DGKB: variants seen among roughly 807,000 people sequenced by gnomAD.
DGKB encodes diacylglycerol kinase beta.
A neutral mutation model predicts 114.3 loss-of-function variants in DGKB; 67 were observed. The observed-to-expected ratio is 0.59, with a 90% CI of 0.48 to 0.72. DGKB has a LOEUF of 0.72. Among genes scored for constraint, DGKB ranks in the 30% least tolerant of loss-of-function variants. The pLI, the probability that DGKB is intolerant of heterozygous loss-of-function variation, is 0.00. For missense variants in DGKB, 907 were observed against 975.2 expected, an observed-to-expected ratio of 0.93 and a Z score of 0.93; for synonymous variants, 398 against 323.1, an observed-to-expected ratio of 1.23 and a Z score of -2.49.
At chr7:14,783,978 C>T (rs1405263737) in intron 2 of DGKB, among the ~76,000 whole-genome samples, 5 of 152,014 alleles carry the variant, frequency 3.3e-5, no homozygotes, top group Admixed American at 3.3e-4. Context: ...TCTTGTTTTC[C>T]TGGTTTACAA....
At chr7:14,167,210 CAAAAA>C (rs34278386) in intron 25 of DGKB, among the ~76,000 whole-genome samples, 3 of 99,394 alleles carry the variant, frequency 3.0e-5, no homozygotes, top group Non-Finnish European at 5.7e-5. Flanking sequence ...GACTCCATCT[CAAAAA>C]AAAAAAAAAA....
chr7:14,722,732 A>T (rs1277358877), intron 5 of DGKB, among the ~76,000 whole-genome samples: 1 of 152,020 alleles, frequency 6.6e-6, no homozygotes, highest in African/African-American at 2.4e-5. Context: ...GAATCGCTGG[A>T]ACCCAGGAGG....
chr7:14,194,293 G>A (rs142072425), intron 23 of DGKB, among the ~76,000 whole-genome samples: 9 of 152,118 alleles, frequency 5.9e-5, no homozygotes, highest in African/African-American at 1.7e-4. Flanking sequence ...ATATTGAATC[G>A]ACCTAAGTGT....
At chr7:14,310,197 A>G (rs1306605572) in intron 23 of DGKB, among the ~76,000 whole-genome samples, 2 of 152,218 alleles carry the variant, frequency 1.3e-5, no homozygotes, top group East Asian at 1.9e-4. Context: ...TGGACACTCC[A>G]TTTACCAAAA....
intron 1 of DGKB, among the ~76,000 whole-genome samples, chr7:14,854,891 G>A (rs957890881): frequency 6.6e-6 from 1 of 152,084 alleles, no homozygotes; most frequent in South Asian, 2.1e-4. Context: ...AAATAGACAC[G>A]TAATAGCTCT....
At position 14,847,194 on chromosome 7, in the gene DGKB, G is replaced by A. The variant is rs528493082; in HGVS notation, c.-187-5744C>T. Among the ~76,000 whole-genome samples, 10 of 151,992 alleles carry A rather than the reference G, an allele frequency of 6.6e-5. No individual in the cohort carries two copies. The East Asian group carries it at 2.0e-3, about 30-fold the overall frequency. ...TAGTCCCAGCTACTCGGGAGGCTGA[G>A]GCAGGAGAATGGCGTGAACCCAGGA... On this transcript the variant is annotated intron_variant, in intron 1 of 25. Coordinates refer to ENST00000402815, the MANE Select transcript of DGKB (RefSeq NM_001350709.2).
At chr7:14,925,750 C>T (rs1445846631) in intron 1 of DGKB, among the ~76,000 whole-genome samples, 1 of 152,068 alleles carries the variant, frequency 6.6e-6, no homozygotes, top group East Asian at 1.9e-4. Flanking sequence ...ATCTTACATC[C>T]TATAACCTTG....
At chr7:14,526,094 T>C (rs1306594459) in intron 20 of DGKB, among the ~76,000 whole-genome samples, 3 of 152,190 alleles carry the variant, frequency 2.0e-5, no homozygotes, top group Admixed American at 2.0e-4. Flanking sequence ...TTCACTTGTC[T>C]GTGGTTTAAA....
At chr7:14,236,883 T>TA (rs1792873893) in intron 23 of DGKB, among the ~76,000 whole-genome samples, 2 of 149,360 alleles carry the variant, frequency 1.3e-5, no homozygotes, top group East Asian at 3.9e-4. Flanking sequence ...CATTAAGCAC[T>TA]TTTTTTTTTC....
intron 25 of DGKB, among the ~76,000 whole-genome samples, chr7:14,169,396 A>G (rs1260730226): frequency 6.6e-6 from 1 of 150,840 alleles, no homozygotes. Context: ...AATGCAAACC[A>G]TGAGTCCTAG....
intron 25 of DGKB, among the ~76,000 whole-genome samples, chr7:14,170,307 G>A (rs1780803300): frequency 6.6e-6 from 1 of 152,142 alleles, no homozygotes; most frequent in Non-Finnish European, 1.5e-5. Context: ...GTGGCCTTGG[G>A]CAAGTTACTT....
chr7:14,846,389 T>G (rs1848630904), intron 1 of DGKB, among the ~76,000 whole-genome samples: 1 of 152,178 alleles, frequency 6.6e-6, no homozygotes, highest in Non-Finnish European at 1.5e-5. Flanking sequence ...GAGGAATTTT[T>G]TCTTAGTCAA....
chr7:14,156,007 A>G (rs559369210), intron 25 of DGKB, among the ~76,000 whole-genome samples: 1 of 152,090 alleles, frequency 6.6e-6, no homozygotes, highest in Non-Finnish European at 1.5e-5. Context: ...TGAATAGCAG[A>G]TGTTAGACTT....
At chr7:14,489,932 G>A (rs979549308) in intron 20 of DGKB, among the ~76,000 whole-genome samples, 2 of 152,158 alleles carry the variant, frequency 1.3e-5, no homozygotes, top group Non-Finnish European at 1.5e-5. Context: ...ACAGAGAGAA[G>A]GGAGCTGGAT....
chr7:14,709,578 A>T (rs1231014332), intron 6 of DGKB, among the ~76,000 whole-genome samples: 1 of 136,582 alleles, frequency 7.3e-6, no homozygotes, highest in Non-Finnish European at 1.6e-5. Context: ...AATGTCCAAC[A>T]ATGATAGACT....
intron 23 of DGKB, among the ~76,000 whole-genome samples, chr7:14,315,026 C>T (rs2128516320): frequency 6.6e-6 from 1 of 151,960 alleles, no homozygotes; most frequent in African/African-American, 2.4e-5. Context: ...CATATGCAGC[C>T]AAACTAAGCT....
At chr7:14,585,916 T>C (rs563072259) in intron 17 of DGKB, among the ~76,000 whole-genome samples, 4 of 152,304 alleles carry the variant, frequency 2.6e-5, no homozygotes, top group African/African-American at 4.8e-5. Context: ...TTGTGTGTGT[T>C]CTGACTGCTC....
chr7:14,676,794 A>G (rs1164393639), intron 12 of DGKB, among the ~76,000 whole-genome samples: 2 of 151,984 alleles, frequency 1.3e-5, no homozygotes, highest in South Asian at 2.1e-4. Flanking sequence ...AATGAACTAC[A>G]GCATTGAAGA....
chr7:14,572,368 C>T (rs1253332828), intron 20 of DGKB, among the ~76,000 whole-genome samples: 2 of 150,976 alleles, frequency 1.3e-5, no homozygotes, highest in Non-Finnish European at 2.9e-5. Flanking sequence ...AGGAGAATGT[C>T]GTGAACCCAG....
Sources: gnomAD v4.1 joint callset for allele counts (sites outside exome capture counted in the v4.1 genomes callset) on GRCh38, gnomAD v4.1.1 for gene constraint, MANE v1.5 for transcripts, NCBI Gene and HGNC (gene_info 2026-07-23, HGNC 2026-07-21) for gene names.